Variants in TCEA1 observed in about 807,000 individuals in gnomAD.
The protein encoded by TCEA1 is transcription elongation factor A1.
A neutral mutation model predicts 43.8 loss-of-function variants in TCEA1; 21 were observed. The observed-to-expected ratio is 0.48, with a 90% confidence interval of 0.34 to 0.69. The LOEUF (loss-of-function observed/expected upper bound fraction) is 0.69. Ranked by LOEUF, TCEA1 falls within the 30% of genes least tolerant of loss-of-function variation. The pLI is 0.01. For missense variants in TCEA1, 250 were observed against 365.1 expected, an observed-to-expected ratio of 0.68 and a Z score of 2.57; for synonymous variants, 104 against 117.5, an observed-to-expected ratio of 0.88 and a Z score of 0.75.
chr8:53,986,965 A>G lies in TCEA1; in HGVS notation c.523+4T>C. ...ACAATTATGAATATACACACAAAGG[A>G]TATCTTCTTCAATTTGAGATCCTAA... is the stretch of plus-strand genomic sequence containing the variant. On this transcript the variant is annotated splice_donor_region_variant and intron_variant, in intron 6 of 9. Transcript: ENST00000521604. 6.3e-7 allele frequency: 1 copy of G among 1,587,032 alleles called. No individual in the cohort carries two copies. The highest frequency in any genetic ancestry group is 1.2e-5 in the South Asian group (1 of 86,004).
At chr8:53,983,166 A>T (rs1282129806) in intron 7 of TCEA1, among the ~76,000 whole-genome samples, 3 of 152,246 alleles carry the variant, frequency 2.0e-5, no homozygotes, top group Non-Finnish European at 4.4e-5. Flanking sequence ...AGCAAGGTGT[A>T]CATTGTTTAG....
chr8:53,992,518 G>A (rs980024519), intron 4 of TCEA1, among the ~76,000 whole-genome samples: 6 of 152,162 alleles, frequency 3.9e-5, no homozygotes, highest in African/African-American at 1.4e-4. Flanking sequence ...GCTGAGGCAG[G>A]AGAATTGCTT....
chr8:54,000,894 G>A (rs987727830), intron 2 of TCEA1, among the ~76,000 whole-genome samples: 6 of 151,884 alleles, frequency 4.0e-5, no homozygotes, highest in African/African-American at 1.5e-4. Flanking sequence ...CGAGTAGCTG[G>A]GATTACAGGC....
intron 2 of TCEA1, among the ~76,000 whole-genome samples, chr8:54,000,541 T>C (rs914920833): frequency 6.6e-6 from 1 of 152,218 alleles, no homozygotes; most frequent in East Asian, 1.9e-4. Context: ...GGAACCAGCA[T>C]ATAATCAGAG....
Position 53,988,100 on chromosome 8 carries a change from T to C in TCEA1, c.466+14A>G, listed in dbSNP as rs773252300. ...GTGACCAAAGGACTGAGAAATAACA[T>C]GCACTGGACTTACCCCCTGTTCGAA... On this transcript the variant is annotated intron_variant, in intron 5 of 9. Transcript: ENST00000521604. 10 of 1,607,964 alleles carry C rather than the reference T, an allele frequency of 6.2e-6. No individual in the cohort carries two copies. Among genetic ancestry groups the C allele is most frequent in the African/African-American group, 1.3e-5 (1 of 74,800 alleles).
Position 53,987,014 on chromosome 8 carries a change from C to T in TCEA1, c.478G>A (p.Ala160Thr). ...AATTCTTCCTCATCAGCTCCAATTG[C>T]AATGTAGTCATCTAAAAATAGGCAT... ...AALRTGDDYI[A>T]IGADEEELGS... The change falls in exon 6 of 10, where the codon GCA (alanine) becomes ACA (threonine). Residue 160 changes from alanine to threonine, a missense_variant. By Grantham distance (58) the Ala-to-Thr change is moderately conservative (BLOSUM62 0). Around this residue, in one of 4 missense-constraint regions of TCEA1, gnomAD observed 147 missense variants for 160.3 expected, o/e 0.92. Coordinates refer to ENST00000521604, the MANE Select transcript of TCEA1 (RefSeq NM_006756.4). 6.3e-7 allele frequency: 1 copy of T among 1,599,594 alleles called. No homozygotes were observed. The highest frequency in any genetic ancestry group is 2.2e-5 in the East Asian group (1 of 44,604).
intron 1 of TCEA1, among the ~76,000 whole-genome samples, chr8:54,011,254 A>G (rs1804643863): frequency 6.6e-6 from 1 of 152,258 alleles, no homozygotes; most frequent in African/African-American, 2.4e-5. Flanking sequence ...TTTTTGACTC[A>G]GATTCAACAG....
intron 8 of TCEA1, among the ~76,000 whole-genome samples, chr8:53,975,761 T>A (rs947247124): frequency 6.6e-6 from 1 of 152,106 alleles, no homozygotes; most frequent in Admixed American, 6.5e-5. Flanking sequence ...TACTGTTTAA[T>A]GGGTAAAGAG....
chr8:54,006,143 C>T (rs1454467796), intron 2 of TCEA1, among the ~76,000 whole-genome samples: 9 of 152,194 alleles, frequency 5.9e-5, no homozygotes, highest in Admixed American at 5.9e-4. Context: ...AAGTAAACTT[C>T]TTCGTTCTTC....
At chr8:54,009,225 A>G (rs1296364960) in intron 2 of TCEA1, among the ~76,000 whole-genome samples, 2 of 152,138 alleles carry the variant, frequency 1.3e-5, no homozygotes, top group Non-Finnish European at 2.9e-5. Flanking sequence ...TACACTGTTA[A>G]TGGGAATGTA....
chr8:54,014,885 G>A (rs1041082754), intron 1 of TCEA1, among the ~76,000 whole-genome samples: 6 of 152,150 alleles, frequency 3.9e-5, no homozygotes, highest in Non-Finnish European at 7.3e-5. Flanking sequence ...TTATACGTAG[G>A]TGAGCATAAC....
chr8:53,990,964 T>A (rs1803855610), intron 4 of TCEA1, among the ~76,000 whole-genome samples: 1 of 152,216 alleles, frequency 6.6e-6, no homozygotes, highest in South Asian at 2.1e-4. Flanking sequence ...TCAATCCTCC[T>A]GTATTTCTGT....
chr8:53,985,383 A>G (rs1405390499), intron 6 of TCEA1, among the ~76,000 whole-genome samples: 1 of 152,196 alleles, frequency 6.6e-6, no homozygotes, highest in African/African-American at 2.4e-5. Flanking sequence ...TTCAAAAAGT[A>G]ACTCAAGTAC....
chr8:53,993,519 T>C (rs1803947279), intron 4 of TCEA1, 149 bp downstream of exon 4: 1 of 548,764 alleles, frequency 1.8e-6, no homozygotes. Context: ...AAAAAATAAA[T>C]TAGAATACAT....
Position 54,021,317 on chromosome 8 carries a change from T to C in TCEA1, c.63+746A>G, listed in dbSNP as rs564629552. ...CAAACCACAAAAGCATATGCTTACA[T>C]GAATATTCATCAATAACAAAAAAAA... On this transcript the variant is annotated intron_variant, in intron 1 of 9. Coordinates refer to ENST00000521604, the MANE Select transcript of TCEA1 (RefSeq NM_006756.4). Among the ~76,000 whole-genome samples, 133 of 152,326 alleles carry C rather than the reference T, an allele frequency of 8.7e-4. 1 individual carries two copies. The highest frequency in any genetic ancestry group is 3.1e-3 in the African/African-American group (128 of 41,580).
intron 2 of TCEA1, among the ~76,000 whole-genome samples, chr8:54,005,097 C>A (rs1024511355): frequency 2.6e-5 from 4 of 152,204 alleles, no homozygotes; most frequent in African/African-American, 9.6e-5. Context: ...CTTCAGATCT[C>A]ATTTGATTTA....
At chr8:53,995,353 G>T (rs1804021868) in intron 3 of TCEA1, among the ~76,000 whole-genome samples, 1 of 150,956 alleles carries the variant, frequency 6.6e-6, no homozygotes, top group African/African-American at 2.4e-5. Flanking sequence ...CAGCCACTCA[G>T]GAAGCCCAGG....
chr8:53,985,231 G>A lies in TCEA1; in HGVS notation c.524-714C>T, dbSNP rs553100925. 3.2e-3 allele frequency among the ~76,000 whole-genome samples: 494 copies of A among 152,210 alleles called. 2 individuals are homozygous for A. Among genetic ancestry groups the A allele is most frequent in the African/African-American group, 0.011 (473 of 41,514 alleles). ...GGGGTTTCACCATGTTGGCCAGGCT[G>A]GTCTCAAACTCCTGACCTCAGGTGA... is the stretch of plus-strand genomic sequence containing the variant. On this transcript the variant is annotated intron_variant, in intron 6 of 9. Coordinates refer to ENST00000521604, the MANE Select transcript of TCEA1 (RefSeq NM_006756.4).
chr8:53,997,943 T>C (rs1213458148), intron 3 of TCEA1, among the ~76,000 whole-genome samples: 1 of 152,138 alleles, frequency 6.6e-6, no homozygotes, highest in Non-Finnish European at 1.5e-5. Flanking sequence ...AACTTAAAAA[T>C]GTGGGAAATT....
Sources: gnomAD v4.1 joint callset for allele counts (sites outside exome capture counted in the v4.1 genomes callset) on GRCh38, gnomAD v4.1.1 for gene constraint, gnomAD v4.1.1 regional missense constraint, MANE v1.5 for transcripts, NCBI Gene and HGNC (gene_info 2026-07-23, HGNC 2026-07-21) for gene names.